The following OSBPL1A variants were observed in gnomAD, a reference collection of about 807,000 sequenced individuals.
The protein encoded by OSBPL1A is oxysterol-binding protein-related protein 1.
OSBPL1A carries 80 observed loss-of-function variants against 137.1 expected under a neutral mutation model. The ratio of observed to expected loss-of-function variants is 0.58; its 90% CI spans 0.49 to 0.70. The LOEUF is 0.70. Among genes scored for constraint, OSBPL1A ranks in the 30% least tolerant of loss-of-function variants. OSBPL1A has a pLI of 0.00. For missense variants in OSBPL1A, 970 were observed against 1,129.4 expected, an observed-to-expected ratio of 0.86 and a Z score of 2.02; for synonymous variants, 365 against 389.7, an observed-to-expected ratio of 0.94 and a Z score of 0.75.
intron 4 of OSBPL1A, among the ~76,000 whole-genome samples, chr18:24,342,953 A>T (rs188745869): frequency 1.3e-5 from 2 of 152,164 alleles, no homozygotes; most frequent in Admixed American, 1.3e-4. Flanking sequence ...ATTCTTATAA[A>T]ATATCTTAAC....
intron 24 of OSBPL1A, among the ~76,000 whole-genome samples, chr18:24,169,961 CAG>C (rs1255918926): frequency 6.6e-6 from 1 of 152,320 alleles, no homozygotes; most frequent in South Asian, 2.1e-4. Flanking sequence ...ATGAAAATGT[CAG>C]AGAGACTTTT....
chr18:24,285,218 T>G (rs890189943), intron 14 of OSBPL1A, among the ~76,000 whole-genome samples: 1 of 152,118 alleles, frequency 6.6e-6, no homozygotes, highest in African/African-American at 2.4e-5. Context: ...CTTACCCCCA[T>G]CCAAACACCA....
intron 21 of OSBPL1A, among the ~76,000 whole-genome samples, 200 bp from the exon 22 acceptor site, chr18:24,172,683 G>A (rs1194898034): frequency 6.6e-6 from 1 of 152,052 alleles, no homozygotes; most frequent in Non-Finnish European, 1.5e-5. Flanking sequence ...TTAAAAGGGA[G>A]TAACAGCTTA....
chr18:24,242,706 C>T (rs2088743175), intron 15 of OSBPL1A, among the ~76,000 whole-genome samples: 2 of 152,144 alleles, frequency 1.3e-5, no homozygotes, highest in African/African-American at 4.8e-5. Flanking sequence ...TTTATCAATA[C>T]AGCAGGCAGA....
At position 24,331,544 on chromosome 18, in the gene OSBPL1A, C is replaced by A. The variant is rs1446061329; in HGVS notation, c.625+1398G>T. Among the ~76,000 whole-genome samples, 6 of 150,838 alleles carry A rather than the reference C, an allele frequency of 4.0e-5. 1 individual carries two copies. The highest frequency in any genetic ancestry group is 9.8e-5 in the African/African-American group (4 of 40,682). On this transcript the variant is annotated intron_variant, in intron 7 of 27. Transcript: ENST00000319481. ...CCCGAGTAGCTGGGACTACAGGCGCCCGCCACCACGCCCGGCTAATTTTTT... is the reference window on the plus strand; with the variant it reads ...CCCGAGTAGCTGGGACTACAGGCGCACGCCACCACGCCCGGCTAATTTTTT...
chr18:24,294,971 T>C (rs1439494971), intron 14 of OSBPL1A, among the ~76,000 whole-genome samples: 1 of 152,182 alleles, frequency 6.6e-6, no homozygotes, highest in African/African-American at 2.4e-5. Context: ...CTACTTTTAG[T>C]TCTTTAGGGA....
intron 17 of OSBPL1A, among the ~76,000 whole-genome samples, chr18:24,222,496 T>C (rs28504686): frequency 0.049 from 7,444 of 152,168 alleles, 604 homozygotes; most frequent in African/African-American, 0.17. Flanking sequence ...GCTTTGAGAA[T>C]TGCTCCCACG....
chr18:24,361,700 A>G (rs2091622741), intron 4 of OSBPL1A, among the ~76,000 whole-genome samples: 1 of 152,222 alleles, frequency 6.6e-6, no homozygotes, highest in Non-Finnish European at 1.5e-5. Flanking sequence ...GATTAATGCA[A>G]CTTAGTAGCA....
Position 24,390,344 on chromosome 18 carries a change from T to C in OSBPL1A, c.-3+7311A>G, listed in dbSNP as rs902591292. Among the ~76,000 whole-genome samples, 12 of 152,292 alleles carry C rather than the reference T, an allele frequency of 7.9e-5. No individual in the cohort carries two copies. The South Asian group carries it at 2.5e-3, about 32-fold the overall frequency. ...ATAGGAGAAGTAACCTAAACGTCCATTGACAGATGAATGGAAAAACAAAAC... is the reference window on the plus strand; with the variant it reads ...ATAGGAGAAGTAACCTAAACGTCCACTGACAGATGAATGGAAAAACAAAAC... On this transcript the variant is annotated intron_variant, in intron 1 of 27. Coordinates refer to ENST00000319481, the MANE Select transcript of OSBPL1A (RefSeq NM_080597.4).
chr18:24,328,037 T>TC (rs1491356231), intron 7 of OSBPL1A, among the ~76,000 whole-genome samples: 1 of 37,034 alleles, frequency 2.7e-5, no homozygotes, highest in African/African-American at 1.5e-4. Context: ...GAAATCACAC[T>TC]TTTTTTTTTT....
chr18:24,355,487 C>T (rs2588571), intron 4 of OSBPL1A, among the ~76,000 whole-genome samples: 11 of 151,896 alleles, frequency 7.2e-5, no homozygotes, highest in African/African-American at 2.7e-4. Flanking sequence ...GGCAACAGGT[C>T]GAGACTCCAT....
At chr18:24,260,949 A>C (rs1314521758) in intron 15 of OSBPL1A, among the ~76,000 whole-genome samples, 1 of 152,060 alleles carries the variant, frequency 6.6e-6, no homozygotes, top group East Asian at 1.9e-4. Context: ...AAATACTTGT[A>C]TATACAAATA....
intron 16 of OSBPL1A, among the ~76,000 whole-genome samples, chr18:24,235,368 G>A (rs2088434319): frequency 6.6e-6 from 1 of 152,100 alleles, no homozygotes; most frequent in Admixed American, 6.6e-5. Flanking sequence ...CCCATTTGCA[G>A]ATGAAGAAAT....
At chr18:24,310,751 T>C (rs1221587898) in intron 13 of OSBPL1A, among the ~76,000 whole-genome samples, 2 of 152,128 alleles carry the variant, frequency 1.3e-5, no homozygotes, top group Non-Finnish European at 2.9e-5. Flanking sequence ...GCTTTGTCAA[T>C]CCTTCCAGGT....
chr18:24,192,893 G>A (rs1390632592), intron 18 of OSBPL1A, among the ~76,000 whole-genome samples: 3 of 152,108 alleles, frequency 2.0e-5, no homozygotes, highest in East Asian at 3.8e-4. Flanking sequence ...TAATTGTTAC[G>A]GAAAAAATGG....
chr18:24,267,932 A>AT (rs1330216934), intron 15 of OSBPL1A, among the ~76,000 whole-genome samples: 1 of 151,936 alleles, frequency 6.6e-6, no homozygotes, highest in Non-Finnish European at 1.5e-5. Flanking sequence ...TAGCCAGTAA[A>AT]TGAAGAATTA....
intron 1 of OSBPL1A, among the ~76,000 whole-genome samples, chr18:24,395,689 C>T (rs1907685187): frequency 6.6e-6 from 1 of 151,774 alleles, no homozygotes; most frequent in African/African-American, 2.4e-5. Context: ...AGCACGATCT[C>T]CATTCACTTA....
chr18:24,351,369 A>AAAAAAAAAAAAAAAAG (rs2091437906), intron 4 of OSBPL1A, among the ~76,000 whole-genome samples: 5 of 148,564 alleles, frequency 3.4e-5, no homozygotes, highest in African/African-American at 1.2e-4. Flanking sequence ...AAAAAAAAAA[A>AAAAAAAAAAAAAAAAG]GACATAAAAA....
intron 15 of OSBPL1A, among the ~76,000 whole-genome samples, chr18:24,265,013 T>C (rs1016201378): frequency 1.3e-5 from 2 of 152,200 alleles, no homozygotes; most frequent in South Asian, 4.1e-4. Context: ...ATCGGTCTTA[T>C]ATACTGGCAT....
Sources: allele counts gnomAD v4.1 joint callset (sites outside exome capture counted in the v4.1 genomes callset), GRCh38; gene constraint gnomAD v4.1.1; transcripts MANE v1.5; gene names NCBI Gene and HGNC (gene_info 2026-07-23, HGNC 2026-07-21).